SLC13A3: variants seen among roughly 807,000 people sequenced by gnomAD.
SLC13A3 encodes the protein Na(+)/dicarboxylate cotransporter 3.
In SLC13A3, 40 loss-of-function variants were observed where a neutral mutation model predicts 59.0. The observed-to-expected ratio is 0.68, with a 90% CI of 0.53 to 0.88. SLC13A3 has a LOEUF of 0.88. Ranked by LOEUF, SLC13A3 falls within the 40% of genes least tolerant of loss-of-function variation. SLC13A3 has a pLI of 0.00. For missense variants in SLC13A3, 699 were observed against 783.2 expected (o/e 0.89, Z 1.28); for synonymous variants, 317 against 330.3 (o/e 0.96, Z 0.44).
At chr20:46,679,279 G>T (rs554440788) in intron 1 of SLC13A3, among the ~76,000 whole-genome samples, 1 of 152,182 alleles carries the variant, frequency 6.6e-6, no homozygotes, top group African/African-American at 2.4e-5. Flanking sequence ...AGGGTAGGCC[G>T]GGTGCCATGG....
chr20:46,566,166 G>A, intron 11 of SLC13A3, 63 bp downstream of exon 11: 6 of 1,424,642 alleles, frequency 4.2e-6, no homozygotes, highest in Non-Finnish European at 5.9e-6. Flanking sequence ...CCCTTGGCGG[G>A]GGAAGATTTC....
At chr20:46,610,757 G>T in intron 2 of SLC13A3, 148 bp from the exon 3 acceptor site, 1 of 659,354 alleles carries the variant, frequency 1.5e-6, no homozygotes, top group Admixed American at 3.1e-5. Flanking sequence ...CCACTCACCA[G>T]GTTTATTTTA....
intron 1 of SLC13A3, among the ~76,000 whole-genome samples, chr20:46,631,620 A>G (rs2062738415): frequency 1.3e-5 from 2 of 152,086 alleles, no homozygotes; most frequent in Non-Finnish European, 2.9e-5. Context: ...TCCCCAACTC[A>G]GCCCCGCTCA....
At position 46,620,934 on chromosome 20, in the gene SLC13A3, C is replaced by T. The variant is rs530447891; in HGVS notation, c.112-7209G>A. Among the ~76,000 whole-genome samples, 8 of 152,222 alleles carry T rather than the reference C, an allele frequency of 5.3e-5. No homozygotes were observed. The East Asian group carries it at 1.5e-3, about 29-fold the overall frequency. On this transcript the variant is annotated intron_variant, in intron 1 of 12. Transcript: ENST00000279027. ...GAAGCATTTCTTCTAAGAATTGTAA[C>T]AGGAGATGAAACATGGCTTTGCCAG... is the stretch of plus-strand genomic sequence containing the variant.
At chr20:46,651,469 G>T, upstream of SLC13A3, 1 of 1,372,680 alleles carries the variant, frequency 7.3e-7, no homozygotes, top group Non-Finnish European at 9.3e-7. Context: ...TGCCCCGCCT[G>T]GCCCCGGCGC....
intron 1 of SLC13A3, among the ~76,000 whole-genome samples, chr20:46,678,810 G>A (rs1045882524): frequency 2.6e-5 from 4 of 152,132 alleles, no homozygotes; most frequent in African/African-American, 7.2e-5. Flanking sequence ...AGTGTAGGAG[G>A]TGGGGCTGGT....
At chr20:46,625,237 G>C (rs1600577995) in intron 1 of SLC13A3, among the ~76,000 whole-genome samples, 1 of 152,310 alleles carries the variant, frequency 6.6e-6, no homozygotes, top group East Asian at 1.9e-4. Flanking sequence ...CTCAGGAAGG[G>C]GAGGGGAAAG....
chr20:46,601,716 A>G (rs1180294629), intron 3 of SLC13A3, among the ~76,000 whole-genome samples: 1 of 152,276 alleles, frequency 6.6e-6, no homozygotes, highest in South Asian at 2.1e-4. Context: ...GGAAAATTTG[A>G]CTTTGAACCA....
chr20:46,670,750 T>C (rs948661573), upstream of SLC13A3, among the ~76,000 whole-genome samples: 1 of 152,088 alleles, frequency 6.6e-6, no homozygotes, highest in African/African-American at 2.4e-5. Context: ...CAGTCAATCA[T>C]GGAATTATGA....
At chr20:46,657,876 A>C (rs557574662) in intron 1 of SLC13A3, among the ~76,000 whole-genome samples, 5 of 152,098 alleles carry the variant, frequency 3.3e-5, no homozygotes, top group African/African-American at 1.2e-4. Context: ...TTTCCTGAGA[A>C]CTCATATCTC....
chr20:46,682,959 AG>A (rs1314035189), intron 1 of SLC13A3, among the ~76,000 whole-genome samples: 1 of 152,170 alleles, frequency 6.6e-6, no homozygotes, highest in African/African-American at 2.4e-5. Flanking sequence ...CTGTTCACCT[AG>A]GAACATTTGT....
In SLC13A3 at chr20:46,588,073, G is replaced by A; in HGVS notation, c.1107C>T (p.Ser369=). 6.2e-7 allele frequency: 1 copy of A among 1,607,290 alleles called. No individual in the cohort carries two copies. The highest frequency in any genetic ancestry group is 8.5e-7 in the Non-Finnish European group (1 of 1,175,170). ...CAGAGTCTCACCCAGGATTGAAGAG[G>A]CTGGCCCAGCCAGGGATGAACTTCG... ...RDPKFIPGWA[S]LFNPGFLSDA... Residue 369 remains serine, a synonymous_variant, in exon 8 of 13, where the codon AGC becomes AGT. Coordinates refer to ENST00000279027, the MANE Select transcript of SLC13A3 (RefSeq NM_022829.6).
chr20:46,581,827 G>A (rs1362920478), intron 9 of SLC13A3, among the ~76,000 whole-genome samples: 1 of 152,206 alleles, frequency 6.6e-6, no homozygotes, highest in Non-Finnish European at 1.5e-5. Context: ...AAAAGGTTAA[G>A]AAATTGTATA....
chr20:46,650,406 G>A (rs1328919559), intron 1 of SLC13A3, among the ~76,000 whole-genome samples: 4 of 152,068 alleles, frequency 2.6e-5, no homozygotes, highest in African/African-American at 7.2e-5. Context: ...CCTCTGAGAC[G>A]CGTTGAAATG....
At chr20:46,676,508 G>C (rs1211182420) in intron 1 of SLC13A3, among the ~76,000 whole-genome samples, 2 of 149,268 alleles carry the variant, frequency 1.3e-5, no homozygotes, top group Non-Finnish European at 3.0e-5. Flanking sequence ...GCCCACCTCA[G>C]CCTCCCAAAT....
intron 1 of SLC13A3, among the ~76,000 whole-genome samples, chr20:46,679,935 TG>T (rs1337656507): frequency 3.3e-5 from 5 of 151,952 alleles, no homozygotes; most frequent in Non-Finnish European, 7.4e-5. Context: ...GGGTGACTTT[TG>T]GTAGGCAATA....
At chr20:46,634,273 T>C (rs909716940) in intron 1 of SLC13A3, among the ~76,000 whole-genome samples, 5 of 152,102 alleles carry the variant, frequency 3.3e-5, no homozygotes, top group African/African-American at 1.2e-4. Context: ...GCAGAACTGA[T>C]TTTCGTGTGC....
At chr20:46,660,550 G>C (rs8119705) in intron 1 of SLC13A3, among the ~76,000 whole-genome samples, 55,638 of 151,892 alleles carry the variant, frequency 0.37, 12,527 homozygotes, top group Non-Finnish European at 0.53. Flanking sequence ...TTTTTATTCT[G>C]GCTACTTGTA....
chr20:46,651,323 G>C lies in SLC13A3; in HGVS notation c.99C>G (p.Ala33=). The C allele has an allele frequency of 6.6e-7, 1 of 1,513,012 alleles. No homozygotes were observed. Among genetic ancestry groups the C allele is most frequent in the East Asian group, 2.7e-5 (1 of 36,936 alleles). 93.7% of individuals were successfully genotyped at this position (1,513,012 alleles called of 1,614,324 possible). The change falls in exon 1 of 13, where the codon GCC becomes GCG. Residue 33 remains alanine (A), a synonymous_variant. Transcript: ENST00000279027. ...TPLALLPVVF[A]LPPKEGRCLF... is the part of the protein sequence containing the mutation. ...GAGGAGGCGTTACCTTGGGCGGGAGGGCGAAGACCACCGGCAGCAGCGCGA... is the reference window on the plus strand; with the variant it reads ...GAGGAGGCGTTACCTTGGGCGGGAGCGCGAAGACCACCGGCAGCAGCGCGA...
Sources: allele counts gnomAD v4.1 joint callset (sites outside exome capture counted in the v4.1 genomes callset), GRCh38; gene constraint gnomAD v4.1.1; transcripts MANE v1.5; gene names NCBI Gene and HGNC (gene_info 2026-07-23, HGNC 2026-07-21).